GASK1A: variants seen among roughly 807,000 people sequenced by gnomAD.
The protein encoded by GASK1A is golgi associated kinase 1A, also known as Golgi-associated kinase 1A.
GASK1A carries 40 observed loss-of-function variants against 41.2 expected under a neutral mutation model. The ratio of observed to expected loss-of-function variants is 0.97; its 90% CI spans 0.75 to 1.27. GASK1A has a LOEUF of 1.27. Ranked by LOEUF, GASK1A falls within the 50% of genes most tolerant of loss-of-function variation. The pLI is 0.00. For missense variants in GASK1A, 678 were observed against 745.1 expected (o/e 0.91, Z 1.05); for synonymous variants, 316 against 307.1 (o/e 1.03, Z -0.30).
At chr3:43,036,347 C>T (rs548745964) in intron 2 of GASK1A, among the ~76,000 whole-genome samples, 9 of 152,304 alleles carry the variant, frequency 5.9e-5, no homozygotes, top group Admixed American at 2.0e-4. Flanking sequence ...GTGGGTTTTC[C>T]TGCACAGGAA....
intron 1 of GASK1A, among the ~76,000 whole-genome samples, chr3:42,991,529 A>G (rs774616977): frequency 2.6e-5 from 4 of 152,204 alleles, no homozygotes; most frequent in Non-Finnish European, 4.4e-5. Context: ...TTGCATAGCC[A>G]TAGAGCAGCT....
At chr3:43,028,744 C>G (rs1185048478) in intron 1 of GASK1A, among the ~76,000 whole-genome samples, 2 of 152,222 alleles carry the variant, frequency 1.3e-5, no homozygotes, top group African/African-American at 4.8e-5. Flanking sequence ...TAGAGGACCA[C>G]ACAACTTACA....
At chr3:43,016,543 G>T (rs2125681534) in intron 1 of GASK1A, among the ~76,000 whole-genome samples, 1 of 152,046 alleles carries the variant, frequency 6.6e-6, no homozygotes, top group South Asian at 2.1e-4. Context: ...GGGAAGGGCT[G>T]TGTGAAGCCA....
Position 43,032,367 on chromosome 3 carries a change from C to G in GASK1A, c.104C>G (p.Pro35Arg). The change falls in exon 2 of 5, where the codon CCA becomes CGA. Residue 35 changes from proline to arginine, a missense_variant. Physicochemically the swap from Pro to Arg is moderately radical, Grantham distance 103. Transcript: ENST00000430121. ...GCGATGGCTGTCACCCGCTTTCCCC[C>G]ACAGCGTCCATCCGCCGGCCCAGAC... The part of the protein sequence containing the change: ...LSAMAVTRFP[P>R]QRPSAGPDPG... 1.3e-6 allele frequency: 2 copies of G among 1,551,638 alleles called. No homozygotes were observed. Among genetic ancestry groups the G allele is most frequent in the Admixed American group, 2.0e-5 (1 of 51,002 alleles).
At chr3:43,036,372 C>A (rs562678439) in intron 2 of GASK1A, among the ~76,000 whole-genome samples, 36 of 152,160 alleles carry the variant, frequency 2.4e-4, no homozygotes, top group Non-Finnish European at 5.0e-4. Flanking sequence ...CTGACCAGGG[C>A]CTGGGTACAA....
intron 1 of GASK1A, among the ~76,000 whole-genome samples, chr3:43,025,301 A>G (rs1276930670): frequency 6.6e-6 from 1 of 152,160 alleles, no homozygotes; most frequent in East Asian, 1.9e-4. Flanking sequence ...CAAGACTTAG[A>G]TGTATGGGGC....
At chr3:42,997,921 C>T (rs1208429846) in intron 1 of GASK1A, among the ~76,000 whole-genome samples, 5 of 152,108 alleles carry the variant, frequency 3.3e-5, no homozygotes, top group African/African-American at 1.2e-4. Context: ...GGGGCTCGGT[C>T]CTGCTGGGAA....
rs187669356 is a variant in GASK1A at position 43,027,186 on chromosome 3, G to A, written c.4-5081G>A. Among the ~76,000 whole-genome samples, 156 of 152,314 alleles carry A rather than the reference G, an allele frequency of 1.0e-3. 1 individual carries two copies. The highest frequency in any genetic ancestry group is 0.01 in the Middle Eastern group (3 of 294). ...AACAGTTGGAACATGCAAGAAATCA[G>A]AGAATATTGTTCCCATGTGAATTTC... On this transcript the variant is annotated intron_variant, in intron 1 of 4. Coordinates refer to ENST00000430121, the MANE Select transcript of GASK1A (RefSeq NM_001129908.3).
chr3:43,047,789 C>G lies in GASK1A; in HGVS notation c.1291-5732C>G, dbSNP rs115333860. 2.5e-3 allele frequency among the ~76,000 whole-genome samples: 377 copies of G among 152,258 alleles called. 1 individual carries two copies. The highest frequency in any genetic ancestry group is 8.8e-3 in the African/African-American group (367 of 41,544). ...GGTAACGTGGAGGGCAGAAAGCAACCCAAGTCCTTATCATGATAATATGGA... is the reference window on the plus strand; with the variant it reads ...GGTAACGTGGAGGGCAGAAAGCAACGCAAGTCCTTATCATGATAATATGGA... On this transcript the variant is annotated intron_variant, in intron 2 of 4. Transcript: ENST00000430121.
intron 1 of GASK1A, among the ~76,000 whole-genome samples, chr3:42,981,915 G>T (rs1027501739): frequency 2.0e-5 from 3 of 152,066 alleles, no homozygotes; most frequent in African/African-American, 4.8e-5. Context: ...ATTTGAACTT[G>T]CCCAGCTTGT....
chr3:43,014,447 C>T (rs929283680), intron 1 of GASK1A, among the ~76,000 whole-genome samples: 8 of 141,518 alleles, frequency 5.7e-5, no homozygotes, highest in African/African-American at 7.9e-5. Context: ...GGCAGTGTGA[C>T]GTCACAGGAA....
intron 2 of GASK1A, among the ~76,000 whole-genome samples, chr3:43,045,744 C>A (rs377422206): frequency 1.3e-5 from 2 of 152,144 alleles, no homozygotes; most frequent in African/African-American, 4.8e-5. Context: ...ATAATCCCTA[C>A]GTGTCAAGGA....
rs571380935 is a variant in GASK1A, at chr3:43,038,290, G to A, written c.1290+4737G>A. Among the ~76,000 whole-genome samples, 39 of 152,284 alleles carry A rather than the reference G, an allele frequency of 2.6e-4. No homozygotes were observed. In the South Asian group the frequency reaches 7.5e-3, roughly 29 times the overall value. ...GAAGTGTGTGGTTAATATTGTGCAT[G>A]TTATCATCCTTTCTTCCATTCTTAT... On this transcript the variant is annotated intron_variant, in intron 2 of 4. Coordinates refer to ENST00000430121, the MANE Select transcript of GASK1A (RefSeq NM_001129908.3).
intron 1 of GASK1A, among the ~76,000 whole-genome samples, chr3:42,994,104 C>T (rs1469909634): frequency 1.3e-5 from 2 of 152,250 alleles, no homozygotes; most frequent in Non-Finnish European, 1.5e-5. Context: ...CCTGAAAATT[C>T]TCACACTTGG....
intron 1 of GASK1A, among the ~76,000 whole-genome samples, chr3:43,029,998 G>A (rs2089566626): frequency 6.6e-6 from 1 of 152,114 alleles, no homozygotes; most frequent in South Asian, 2.1e-4. Flanking sequence ...AGACTCTTTT[G>A]TGATTTTATT....
In GASK1A at chr3:43,048,283, G is replaced by A. The variant is rs192774131; in HGVS notation, c.1291-5238G>A. Among the ~76,000 whole-genome samples the A allele has an allele frequency of 4.6e-5, 7 of 152,266 alleles. No individual in the cohort carries two copies. The East Asian group carries it at 5.8e-4, about 13-fold the overall frequency. ...GGAGGCGATGTTTCTGTGCTACTCC[G>A]TAACTTGATTCTCAGCTGTTGTGTC... On this transcript the variant is annotated intron_variant, in intron 2 of 4. Transcript: ENST00000430121.
intron 2 of GASK1A, among the ~76,000 whole-genome samples, chr3:43,042,492 A>G (rs1234784126): frequency 6.6e-6 from 1 of 152,092 alleles, no homozygotes. Context: ...AAAAGAAAAC[A>G]AAAGCAAAAA....
intron 2 of GASK1A, 133 bp downstream of exon 2, chr3:43,033,686 G>A (rs1283906866): frequency 2.9e-5 from 23 of 802,436 alleles, no homozygotes; most frequent in Non-Finnish European, 3.8e-5. Flanking sequence ...CCAAGCACCT[G>A]CTTTTGTAAT....
chr3:43,038,983 C>T (rs1280815398), intron 2 of GASK1A, among the ~76,000 whole-genome samples: 1 of 150,252 alleles, frequency 6.7e-6, no homozygotes. Flanking sequence ...ACTTACAATG[C>T]TTAATAAACA....
Sources: allele counts gnomAD v4.1 joint callset (sites outside exome capture counted in the v4.1 genomes callset), GRCh38; gene constraint gnomAD v4.1.1; transcripts MANE v1.5; gene names NCBI Gene and HGNC (gene_info 2026-07-23, HGNC 2026-07-21).